Variants in LMOD2 observed in about 807,000 individuals in gnomAD.
LMOD2 encodes the protein leiomodin 2.
LMOD2 carries 27 observed loss-of-function variants against 41.7 expected under a neutral mutation model. The observed-to-expected ratio is 0.65, with a 90% CI of 0.48 to 0.89. The LOEUF is 0.89. Ranked by LOEUF, LMOD2 falls within the 40% of genes least tolerant of loss-of-function variation. The pLI, the probability that LMOD2 is intolerant of heterozygous loss-of-function variation, is 0.00. For missense variants in LMOD2, 624 were observed against 667.9 expected, an observed-to-expected ratio of 0.93 and a Z score of 0.72; for synonymous variants, 251 against 244.6, an observed-to-expected ratio of 1.03 and a Z score of -0.25.
chr7:123,663,016 A>C lies in LMOD2; in HGVS notation c.1430A>C (p.Gln477Pro). 1.3e-6 allele frequency: 2 copies of C among 1,551,576 alleles called. No individual in the cohort carries two copies. Among genetic ancestry groups the C allele is most frequent in the East Asian group, 2.4e-5 (1 of 41,010 alleles). ...GCCCAACGGGCATTACAAAATGGAC[A>C]AAAAAAGAAAAAAGGGAAAAAGGTC... ...ESAQRALQNG[Q>P]KKKKGKKVKK... The change falls in exon 2 of 3, where the codon CAA becomes CCA. Residue 477 changes from glutamine (Q) to proline (P), a missense_variant. By Grantham distance (76) the Gln-to-Pro change is moderately conservative. Transcript: ENST00000458573.
intron 1 of LMOD2, among the ~76,000 whole-genome samples, chr7:123,657,010 C>T (rs75710640): frequency 0.021 from 3,136 of 152,262 alleles, 48 homozygotes; most frequent in Non-Finnish European, 0.034. Flanking sequence ...CATCTGAGGA[C>T]TCAGGGGCAG....
In LMOD2 at chr7:123,661,804, G is replaced by C. The variant is rs1802877494; in HGVS notation, c.274-56G>C. On this transcript the variant is annotated intron_variant, in intron 1 of 2. Transcript: ENST00000458573. ...GTGCTACTTTTGCAAGTTAAAAAATGTACTTAAAAATGGTATCATTTTTAA... is the reference window on the plus strand; with the variant it reads ...GTGCTACTTTTGCAAGTTAAAAAATCTACTTAAAAATGGTATCATTTTTAA... 2.5e-6 allele frequency: 3 copies of C among 1,187,808 alleles called. No homozygotes were observed. In the African/African-American group the frequency reaches 4.6e-5, roughly 18 times the overall value. The allele number at this position is 1,187,808 out of a possible 1,614,324, so 73.6% of individuals were successfully genotyped here. A position where few individuals can be genotyped will look rare whatever the true frequency, so the allele number is the denominator to read the frequency against.
chr7:123,658,283 G>A (rs1264930360), intron 1 of LMOD2, among the ~76,000 whole-genome samples: 2 of 152,170 alleles, frequency 1.3e-5, no homozygotes, highest in Admixed American at 1.3e-4. Flanking sequence ...CTGGCCAGCT[G>A]TCTGTAGTTG....
intron 1 of LMOD2, among the ~76,000 whole-genome samples, chr7:123,658,496 G>A (rs1249278428): frequency 6.6e-6 from 1 of 152,248 alleles, no homozygotes; most frequent in Non-Finnish European, 1.5e-5. Flanking sequence ...ATAAAAAGCA[G>A]ATGCAACACC....
At chr7:123,656,901 T>C (rs1802795976) in intron 1 of LMOD2, among the ~76,000 whole-genome samples, 1 of 152,216 alleles carries the variant, frequency 6.6e-6, no homozygotes, top group African/African-American at 2.4e-5. Context: ...CTTTGAGATT[T>C]TGATAAGTTA....
Position 123,662,023 on chromosome 7 carries a change from G to A in LMOD2, c.437G>A (p.Gly146Glu), listed in dbSNP as rs759995443. The change falls in exon 2 of 3, where the codon GGG becomes GAG. Residue 146 changes from glycine to glutamate, a missense_variant. Physicochemically the swap from Gly to Glu is moderately conservative, Grantham distance 98. Coordinates refer to ENST00000458573, the MANE Select transcript of LMOD2 (RefSeq NM_207163.3). This position sits in a 1 kb window ranked among gnomAD's most constrained non-coding sequence, Gnocchi z 4.0. ...GAAAGAACAATTGAAACTGCAAAAG[G>A]GATTAATGGAACTGTAAATTATGAT... The part of the protein sequence containing the change: ...EEERTIETAK[G>E]INGTVNYDSV... 1.9e-6 allele frequency: 3 copies of A among 1,573,862 alleles called. No homozygotes were observed. Among genetic ancestry groups the A allele is most frequent in the South Asian group, 1.2e-5 (1 of 85,934 alleles).
intron 1 of LMOD2, among the ~76,000 whole-genome samples, chr7:123,660,661 G>A (rs1315569794): frequency 6.6e-6 from 1 of 150,952 alleles, no homozygotes; most frequent in Non-Finnish European, 1.5e-5. Context: ...CAGGGCTGTA[G>A]AGAAGATAAA....
rs555114745 is a variant in LMOD2, at chr7:123,662,626, T to C, written c.1040T>C (p.Ile347Thr). Residue 347 changes from isoleucine (I) to threonine (T), a missense_variant, in exon 2 of 3, where the codon ATT becomes ACT. By Grantham distance (89) the Ile-to-Thr change is moderately conservative. Coordinates refer to ENST00000458573, the MANE Select transcript of LMOD2 (RefSeq NM_207163.3). The surrounding 1 kb of genome is among the most constrained non-coding windows in gnomAD (Gnocchi z 4.0). ...LPGPRMSMTSILTRNMDKQRQ... is the reference protein window; with the variant it reads ...LPGPRMSMTSTLTRNMDKQRQ... ...GGACCAAGAATGAGCATGACGAGCA[T>C]TTTGACAAGAAATATGGATAAACAG... 10 of 1,613,952 alleles carry C rather than the reference T, an allele frequency of 6.2e-6. No individual in the cohort carries two copies. The African/African-American group carries it at 1.1e-4, about 17-fold the overall frequency.
rs201276725 is a variant in LMOD2, at chr7:123,663,123, C to A, written c.1537C>A (p.Arg513=). The A allele has an allele frequency of 1.3e-6, 2 of 1,565,846 alleles. No homozygotes were observed. Among genetic ancestry groups the A allele is most frequent in the East Asian group, 2.4e-5 (1 of 42,046 alleles). The part of the protein sequence containing the change: ...VQEKKMEDSS[R]PSTPQRSAHE... ...AGAGAAGAAAATGGAAGACAGTTCC[C>A]GACCTTCTACCCCACAGAGATCAGC... The change falls in exon 2 of 3, where the codon CGA becomes AGA. Residue 513 remains arginine (R), a synonymous_variant. Coordinates refer to ENST00000458573, the MANE Select transcript of LMOD2 (RefSeq NM_207163.3).
chr7:123,661,995 G>A lies in LMOD2; in HGVS notation c.409G>A (p.Glu137Lys). The change falls in exon 2 of 3, where the codon GAG (glutamate) becomes AAG (lysine). Residue 137 changes from glutamate to lysine, a missense_variant. Coordinates refer to ENST00000458573, the MANE Select transcript of LMOD2 (RefSeq NM_207163.3). ...EEEEEEDSDE[E>K]ERTIETAKGI... is the part of the protein sequence containing the mutation. Reference sequence around the variant, plus strand: ...AGAGGAGGAAGAAGACAGTGACGAAGAGGAAAGAACAATTGAAACTGCAAA... The same window carrying A: ...AGAGGAGGAAGAAGACAGTGACGAAAAGGAAAGAACAATTGAAACTGCAAA... The A allele has an allele frequency of 6.4e-7, 1 of 1,562,870 alleles. No individual in the cohort carries two copies.
intron 1 of LMOD2, among the ~76,000 whole-genome samples, chr7:123,659,801 A>G (rs6966470): frequency 0.45 from 68,629 of 151,940 alleles, 15,762 homozygotes; most frequent in South Asian, 0.65. Context: ...ATATTTGGAG[A>G]GGATGTCAAA....
At position 123,663,843 on chromosome 7, in the gene LMOD2, T is replaced by A. The variant is rs2116740284; in HGVS notation, c.*98T>A. ...AAATACCTTCTTCAATTCAAAATGA[T>A]CCCTGACTTTAAAAATAATCTCACC... On this transcript the variant is annotated 3_prime_UTR_variant, in exon 3 of 3. Coordinates refer to ENST00000458573, the MANE Select transcript of LMOD2 (RefSeq NM_207163.3). 1 of 939,372 alleles carries A rather than the reference T, an allele frequency of 1.1e-6. No homozygotes were observed. The highest frequency in any genetic ancestry group is 1.6e-6 in the Non-Finnish European group (1 of 624,354). The allele number at this position is 939,372 out of a possible 1,614,324, so 58.2% of individuals were successfully genotyped here. A position where few individuals can be genotyped will look rare whatever the true frequency, so the allele number is the denominator to read the frequency against.
At chr7:123,656,720 G>GA (rs1295725762) in intron 1 of LMOD2, among the ~76,000 whole-genome samples, 3 of 152,166 alleles carry the variant, frequency 2.0e-5, no homozygotes, top group Non-Finnish European at 4.4e-5. Flanking sequence ...CCAATACCAA[G>GA]AAGTGTGGGG....
In LMOD2 at chr7:123,663,727, T is replaced by C. The variant is rs1294991131; in HGVS notation, c.1626T>C (p.Val542=). 1.8e-5 allele frequency: 28 copies of C among 1,579,646 alleles called. No individual in the cohort carries two copies. Among genetic ancestry groups the C allele is most frequent in the Non-Finnish European group, 2.2e-5 (26 of 1,160,734 alleles). ...ATCCGCTATTTTTGTAGGTGGAAGT[T>C]CCAGAAGCCCTGCGATAAAAACATG... ...SSIKQLKRVE[V]PEALR Residue 542 remains valine, a synonymous_variant, in exon 3 of 3, where the codon GTT becomes GTC. Coordinates refer to ENST00000458573, the MANE Select transcript of LMOD2 (RefSeq NM_207163.3).
chr7:123,663,195 CT>C lies in LMOD2; in HGVS notation c.1610del (p.Leu537GlnfsTer36). 1 of 1,564,478 alleles carries C rather than the reference CT, an allele frequency of 6.4e-7. No individual in the cohort carries two copies. Among genetic ancestry groups the C allele is most frequent in the African/African-American group, 1.4e-5 (1 of 73,592 alleles). ...AATTCGGGGAAGCAGCATAAAACAG[CT>C]AAAGCGGGTAAGTAACCAGAGAACA... Reference protein sequence around the residue: ...EAIRGSSIKQLKRVEVPEALR With the variant: ...EAIRGSSIKQXKRVEVPEALR On this transcript the variant is annotated frameshift_variant, in exon 2 of 3. Transcript: ENST00000458573. LOFTEE classifies it high-confidence loss of function.
chr7:123,658,038 G>C (rs1802817671), intron 1 of LMOD2, among the ~76,000 whole-genome samples: 1 of 147,628 alleles, frequency 6.8e-6, no homozygotes, highest in Non-Finnish European at 1.5e-5. Flanking sequence ...AGAATATCCA[G>C]GCTGTACAAC....
Position 123,661,845 on chromosome 7 carries a change from T to C in LMOD2, c.274-15T>C, listed in dbSNP as rs1802878330. The C allele has an allele frequency of 2.1e-6, 3 of 1,456,432 alleles. No homozygotes were observed. Among genetic ancestry groups the C allele is most frequent in the South Asian group, 1.4e-5 (1 of 71,338 alleles). The allele number at this position is 1,456,432 out of a possible 1,614,324, so 90.2% of individuals were successfully genotyped here. ...TCATTTTTAAGAAGCTTAATGATGA[T>C]ATCATACTCTTTAGGTTGCAGAAGA... On this transcript the variant is annotated splice_polypyrimidine_tract_variant and intron_variant, in intron 1 of 2. Coordinates refer to ENST00000458573, the MANE Select transcript of LMOD2 (RefSeq NM_207163.3).
chr7:123,663,072 A>C lies in LMOD2; in HGVS notation c.1486A>C (p.Ile496Leu), dbSNP rs1274538289. Reference sequence around the variant, plus strand: ...ACAGCCAAACAGTATTCTAAAGGAAATAAAAAATTCTCTGAGGTCAGTGCA... The same window carrying C: ...ACAGCCAAACAGTATTCTAAAGGAACTAAAAAATTCTCTGAGGTCAGTGCA... ...KKQPNSILKE[I>L]KNSLRSVQEK... is the part of the protein sequence containing the mutation. The change falls in exon 2 of 3, where the codon ATA becomes CTA. Residue 496 changes from isoleucine (I) to leucine (L), a missense_variant. Ile to Leu is a conservative substitution (Grantham distance 5). Transcript: ENST00000458573. The C allele has an allele frequency of 6.4e-7, 1 of 1,558,754 alleles. No homozygotes were observed. The highest frequency in any genetic ancestry group is 1.4e-5 in the African/African-American group (1 of 73,386).
Position 123,663,875 on chromosome 7 carries a change from T to C in LMOD2, c.*130T>C. On this transcript the variant is annotated 3_prime_UTR_variant, in exon 3 of 3. Transcript: ENST00000458573. ...CTTTAAAAATAATCTCACCCATTAATTCCAAAGAGAATCTTAAGAAACAAT... is the reference window on the plus strand; with the variant it reads ...CTTTAAAAATAATCTCACCCATTAACTCCAAAGAGAATCTTAAGAAACAAT... 1 of 702,446 alleles carries C rather than the reference T, an allele frequency of 1.4e-6. No individual in the cohort carries two copies. The highest frequency in any genetic ancestry group is 2.3e-6 in the Non-Finnish European group (1 of 425,932). The allele number at this position is 702,446 out of a possible 1,614,324, so 43.5% of individuals were successfully genotyped here.
Sources: gnomAD v4.1 joint callset for allele counts (sites outside exome capture counted in the v4.1 genomes callset) on GRCh38, gnomAD v4.1.1 for gene constraint, Gnocchi (gnomAD v3.1) non-coding constraint, MANE v1.5 for transcripts, NCBI Gene and HGNC (gene_info 2026-07-23, HGNC 2026-07-21) for gene names.